PCDHGB1: variants seen among roughly 807,000 people sequenced by gnomAD.
PCDHGB1 encodes protocadherin gamma-B1.
In PCDHGB1, 34 loss-of-function variants were observed where a neutral mutation model predicts 56.6. The ratio of observed to expected loss-of-function variants is 0.60; its 90% CI spans 0.46 to 0.80. The LOEUF (loss-of-function observed/expected upper bound fraction) is 0.80. Ranked by LOEUF, PCDHGB1 falls within the 30% of genes least tolerant of loss-of-function variation. The probability of loss-of-function intolerance (pLI) is 0.00; values close to 1 mark genes in which losing one functional copy is unlikely to be tolerated. For missense variants in PCDHGB1, 1,278 were observed against 1,204.6 expected (o/e 1.06, Z -0.90); for synonymous variants, 561 against 505.9 (o/e 1.11, Z -1.46).
At chr5:141,435,503 A>G (rs2097767522) in intron 1 of PCDHGB1, among the ~76,000 whole-genome samples, 1 of 152,170 alleles carries the variant, frequency 6.6e-6, no homozygotes, top group Non-Finnish European at 1.5e-5. Context: ...TACACTAATG[A>G]TACTAATGAT....
At chr5:141,502,951 C>G (rs1444086718) in intron 2 of PCDHGB1, among the ~76,000 whole-genome samples, 1 of 147,768 alleles carries the variant, frequency 6.8e-6, no homozygotes, top group African/African-American at 2.6e-5. Context: ...TCAAGCGATT[C>G]TCCTGCCTCA....
At chr5:141,465,792 T>A (rs1262092940) in intron 1 of PCDHGB1, among the ~76,000 whole-genome samples, 2 of 152,018 alleles carry the variant, frequency 1.3e-5, no homozygotes, top group Non-Finnish European at 2.9e-5. Flanking sequence ...TTTTTTTTTT[T>A]AAGAAACCCT....
intron 3 of PCDHGB1, 73 bp from the exon 4 acceptor site, chr5:141,510,874 G>A (rs1419164967): frequency 3.7e-6 from 6 of 1,610,008 alleles, no homozygotes; most frequent in Admixed American, 1.7e-5. Context: ...TTCATTAACT[G>A]CTGGGGATAT....
chr5:141,452,914 TAAGA>T (rs1164409830), intron 1 of PCDHGB1, among the ~76,000 whole-genome samples: 1 of 152,226 alleles, frequency 6.6e-6, no homozygotes, highest in African/African-American at 2.4e-5. Flanking sequence ...CATTATACAG[TAAGA>T]AAGAGCTGCT....
At chr5:141,375,540 A>C in intron 1 of PCDHGB1, 1 of 1,613,910 alleles carries the variant, frequency 6.2e-7, no homozygotes, top group Non-Finnish European at 8.5e-7. Flanking sequence ...CAGAACGCCC[A>C]AGTCTCCTAC....
Position 141,351,254 on chromosome 5 carries a change from G to A in PCDHGB1, c.994G>A (p.Glu332Lys). 2 of 1,614,020 alleles carry A rather than the reference G, an allele frequency of 1.2e-6. No homozygotes were observed. Among genetic ancestry groups the A allele is most frequent in the Non-Finnish European group, 1.7e-6 (2 of 1,179,898 alleles). Residue 332 changes from glutamate (E) to lysine (K), a missense_variant, in exon 1 of 4, where the codon GAA becomes AAA. Glu to Lys is a moderately conservative substitution (Grantham distance 56). Transcript: ENST00000523390. ...VHTAHCNVQI[E>K]IVDENDNAPE... ...CACAGCTCACTGTAATGTTCAAATA[G>A]AAATTGTTGACGAGAATGACAATGC...
chr5:141,502,518 T>C (rs1388007900), intron 2 of PCDHGB1, among the ~76,000 whole-genome samples: 1 of 152,184 alleles, frequency 6.6e-6, no homozygotes, highest in Non-Finnish European at 1.5e-5. Flanking sequence ...CCACTATCAG[T>C]GATGCCGAGT....
chr5:141,478,327 A>G lies in PCDHGB1; in HGVS notation c.2410-16480A>G, dbSNP rs149317962. The G allele has an allele frequency of 9.9e-6, 16 of 1,613,974 alleles. No homozygotes were observed. The African/African-American group carries it at 2.0e-4, about 20-fold the overall frequency. The stretch of plus-strand genomic sequence containing the variant: ...CCCCGGTGAGCTCACTGTACCGAAC[A>G]CCAGGGCCCTCCTTGCACGCGGACG... On this transcript the variant is annotated intron_variant, in intron 1 of 3. Transcript: ENST00000523390.
At chr5:141,420,462 G>T in intron 1 of PCDHGB1, 2 of 892,618 alleles carry the variant, frequency 2.2e-6, no homozygotes. Context: ...ACTATTCAAA[G>T]ACATTTTAAA....
intron 1 of PCDHGB1, chr5:141,420,386 A>G (rs1407565643): frequency 6.2e-6 from 8 of 1,284,798 alleles, no homozygotes; most frequent in Non-Finnish European, 7.2e-6. Context: ...AGTTCGCAAA[A>G]TATAGGTCAA....
chr5:141,497,892 C>T (rs2099780275), intron 2 of PCDHGB1, among the ~76,000 whole-genome samples: 1 of 152,138 alleles, frequency 6.6e-6, no homozygotes, highest in Admixed American at 6.6e-5. Flanking sequence ...AGGATCTAGT[C>T]CAGTAACTTC....
chr5:141,392,862 T>C (rs1334405895), intron 1 of PCDHGB1: 2 of 1,612,696 alleles, frequency 1.2e-6, no homozygotes, highest in Non-Finnish European at 1.7e-6. Flanking sequence ...GATCCTGCTG[T>C]GCGCGCTGCT....
At chr5:141,375,541 A>C (rs566370523) in intron 1 of PCDHGB1, 1 of 1,613,904 alleles carries the variant, frequency 6.2e-7, no homozygotes, top group South Asian at 1.1e-5. Flanking sequence ...AGAACGCCCA[A>C]GTCTCCTACT....
chr5:141,404,468 T>G, intron 1 of PCDHGB1: 2 of 1,613,514 alleles, frequency 1.2e-6, no homozygotes, highest in Non-Finnish European at 8.5e-7. Context: ...CACCTATGTC[T>G]CTATTAACTC....
At chr5:141,360,120 C>T in intron 1 of PCDHGB1, 1 of 1,578,378 alleles carries the variant, frequency 6.3e-7, no homozygotes, top group Non-Finnish European at 8.6e-7. Context: ...GGCAAAGGAG[C>T]AAAGGGAGCC....
intron 1 of PCDHGB1, chr5:141,390,038 C>T: frequency 1.9e-6 from 3 of 1,614,060 alleles, no homozygotes; most frequent in Non-Finnish European, 2.5e-6. Flanking sequence ...GCTCCTCCAG[C>T]CCCGCCTCCT....
At chr5:141,460,987 A>C (rs201722325) in intron 1 of PCDHGB1, among the ~76,000 whole-genome samples, 1 of 92,990 alleles carries the variant, frequency 1.1e-5, no homozygotes, top group South Asian at 3.4e-4. Context: ...GTGTGTGTAT[A>C]TATATATATG....
chr5:141,414,723 C>A (rs775890033), intron 1 of PCDHGB1: 2 of 1,614,170 alleles, frequency 1.2e-6, no homozygotes, highest in South Asian at 2.2e-5. Flanking sequence ...CAGACACTGG[C>A]GTCCTGTATG....
At chr5:141,472,412 G>C (rs1283620276) in intron 1 of PCDHGB1, among the ~76,000 whole-genome samples, 1 of 152,058 alleles carries the variant, frequency 6.6e-6, no homozygotes, top group Non-Finnish European at 1.5e-5. Context: ...GTGGTGGCAC[G>C]CACCTGTATC....
Sources: gnomAD v4.1 joint callset for allele counts (sites outside exome capture counted in the v4.1 genomes callset) on GRCh38, gnomAD v4.1.1 for gene constraint, MANE v1.5 for transcripts, NCBI Gene and HGNC (gene_info 2026-07-23, HGNC 2026-07-21) for gene names.